Variants in CCDC171 observed in about 807,000 individuals in gnomAD.
CCDC171 encodes the protein coiled-coil domain containing 171.
A neutral mutation model predicts 168.2 loss-of-function variants in CCDC171; 177 were observed. The observed-to-expected ratio is 1.05, with a 90% confidence interval of 0.93 to 1.19. CCDC171 has a LOEUF of 1.19. CCDC171 is among the 50% of genes most tolerant of loss of function. The probability of loss-of-function intolerance (pLI) is 0.00; values close to 1 mark genes in which losing one functional copy is unlikely to be tolerated. For missense variants in CCDC171, 1,991 were observed against 1,539.0 expected, an observed-to-expected ratio of 1.29 and a Z score of -4.91; for synonymous variants, 687 against 540.8, an observed-to-expected ratio of 1.27 and a Z score of -3.75.
At chr9:15,942,328 A>G (rs1827822676) in intron 25 of CCDC171, among the ~76,000 whole-genome samples, 1 of 151,990 alleles carries the variant, frequency 6.6e-6, no homozygotes, top group Non-Finnish European at 1.5e-5. Flanking sequence ...TCAAAAAGCA[A>G]TGGCTGTAAT....
intron 20 of CCDC171, among the ~76,000 whole-genome samples, chr9:15,779,468 TCTTGC>T (rs1317049586): frequency 6.6e-6 from 1 of 152,152 alleles, no homozygotes; most frequent in African/African-American, 2.4e-5. Context: ...CAAGTGATTC[TCTTGC>T]CTCAGCCTCC....
At chr9:15,617,642 C>T (rs932364793) in intron 6 of CCDC171, among the ~76,000 whole-genome samples, 4 of 152,154 alleles carry the variant, frequency 2.6e-5, no homozygotes, top group Admixed American at 1.3e-4. Context: ...TCCAAAAGTG[C>T]TGGGATTACA....
the CCDC171 span, among the ~76,000 whole-genome samples, chr9:16,074,230 C>G: frequency 1.4e-4 from 22 of 152,186 alleles, no homozygotes; most frequent in Non-Finnish European, 2.2e-4. Flanking sequence ...CTACTACCAT[C>G]CAATTAAGCT....
intron 3 of CCDC171, among the ~76,000 whole-genome samples, chr9:15,989,620 A>G (rs1024165479): frequency 6.6e-6 from 1 of 152,122 alleles, no homozygotes; most frequent in Non-Finnish European, 1.5e-5. Flanking sequence ...CAGATGATCA[A>G]ACTTCTCCGA....
chr9:15,598,402 A>G (rs1266356064), intron 6 of CCDC171, among the ~76,000 whole-genome samples: 1 of 152,022 alleles, frequency 6.6e-6, no homozygotes, highest in East Asian at 1.9e-4. Flanking sequence ...TCATTTCATT[A>G]TGTACCCAGC....
In CCDC171 at chr9:15,821,212, A is replaced by C. The variant is rs2059757186; in HGVS notation, c.3268-25490A>C. Among the ~76,000 whole-genome samples, 2 of 117,836 alleles carry C rather than the reference A, an allele frequency of 1.7e-5. 1 individual carries two copies. 77.3% of individuals were successfully genotyped at this position (117,836 alleles called of 152,430 possible). A position where few individuals can be genotyped will look rare whatever the true frequency, so the allele number is the denominator to read the frequency against. Reference sequence around the variant, plus strand: ...CAAAATAATAAGAGCTATCTATGACAGACCCACACCCAGTATCATACTGAA... The same window carrying C: ...CAAAATAATAAGAGCTATCTATGACCGACCCACACCCAGTATCATACTGAA... On this transcript the variant is annotated intron_variant, in intron 21 of 25. Transcript: ENST00000380701.
chr9:15,606,791 T>C (rs1406214575), intron 6 of CCDC171, among the ~76,000 whole-genome samples: 1 of 152,202 alleles, frequency 6.6e-6, no homozygotes, highest in Admixed American at 6.5e-5. Flanking sequence ...TGATATTAAA[T>C]GTCAGTTCAA....
the CCDC171 span, among the ~76,000 whole-genome samples, chr9:16,076,280 A>C: frequency 6.6e-6 from 1 of 152,200 alleles, no homozygotes; most frequent in Non-Finnish European, 1.5e-5. Context: ...GTGCAGAACT[A>C]AGAGCTTTCC....
chr9:16,102,379 G>T, the CCDC171 span, among the ~76,000 whole-genome samples: 1 of 151,886 alleles, frequency 6.6e-6, no homozygotes, highest in Non-Finnish European at 1.5e-5. Context: ...ACTTGTCTCA[G>T]ACGGATGTAG....
At chr9:15,636,155 T>C (rs1045549510) in intron 7 of CCDC171, among the ~76,000 whole-genome samples, 1 of 149,452 alleles carries the variant, frequency 6.7e-6, no homozygotes, top group Non-Finnish European at 1.5e-5. Context: ...TTGTACTATG[T>C]ATATATATAT....
At chr9:15,780,465 T>C (rs2057607141) in intron 20 of CCDC171, among the ~76,000 whole-genome samples, 1 of 152,134 alleles carries the variant, frequency 6.6e-6, no homozygotes, top group Non-Finnish European at 1.5e-5. Flanking sequence ...GGAAGGTTAC[T>C]AGAGGCCAGG....
chr9:15,783,987 G>C (rs2057802788), intron 20 of CCDC171, among the ~76,000 whole-genome samples: 1 of 152,132 alleles, frequency 6.6e-6, no homozygotes, highest in South Asian at 2.1e-4. Flanking sequence ...AATAAAAAAA[G>C]TGAGATGAAT....
chr9:15,562,390 T>G (rs993815062), intron 1 of CCDC171, among the ~76,000 whole-genome samples: 1 of 152,114 alleles, frequency 6.6e-6, no homozygotes, highest in Non-Finnish European at 1.5e-5. Flanking sequence ...CATCCCTTCA[T>G]CTTTGCTGTA....
At chr9:15,827,162 C>A (rs2060047390) in intron 21 of CCDC171, among the ~76,000 whole-genome samples, 1 of 152,044 alleles carries the variant, frequency 6.6e-6, no homozygotes, top group South Asian at 2.1e-4. Context: ...CCTTAGAGAT[C>A]TTTCAATTTT....
chr9:15,910,172 GCACACACACACACA>G (rs60923477), intron 24 of CCDC171, among the ~76,000 whole-genome samples: 11 of 150,920 alleles, frequency 7.3e-5, no homozygotes, highest in South Asian at 6.3e-4. Context: ...GTATATATGT[GCACACACACACACA>G]CACACACACA....
At chr9:15,996,840 A>T (rs1490448878) in intron 3 of CCDC171, among the ~76,000 whole-genome samples, 1 of 152,194 alleles carries the variant, frequency 6.6e-6, no homozygotes, top group African/African-American at 2.4e-5. Flanking sequence ...GAATATGAAG[A>T]CAAATTGAGG....
At chr9:15,747,171 G>T (rs1426860306) in intron 18 of CCDC171, among the ~76,000 whole-genome samples, 1 of 152,196 alleles carries the variant, frequency 6.6e-6, no homozygotes, top group African/African-American at 2.4e-5. Context: ...GCCTACCGCA[G>T]CTCAGCAAGG....
At chr9:15,603,112 G>T (rs1445219376) in intron 6 of CCDC171, among the ~76,000 whole-genome samples, 1 of 152,028 alleles carries the variant, frequency 6.6e-6, no homozygotes, top group Non-Finnish European at 1.5e-5. Context: ...CTCCCGAGTG[G>T]CTGGGCCTAC....
At chr9:15,897,868 C>T (rs1178607387) in intron 24 of CCDC171, among the ~76,000 whole-genome samples, 1 of 152,138 alleles carries the variant, frequency 6.6e-6, no homozygotes, top group Admixed American at 6.6e-5. Context: ...ACTTGGAACA[C>T]ATTGAGTGAA....
Sources: allele counts gnomAD v4.1 joint callset (sites outside exome capture counted in the v4.1 genomes callset), GRCh38; gene constraint gnomAD v4.1.1; transcripts MANE v1.5; gene names NCBI Gene and HGNC (gene_info 2026-07-23, HGNC 2026-07-21).